Variants in ABCA3 observed in about 807,000 individuals in gnomAD.
The protein encoded by ABCA3 is ATP binding cassette subfamily A member 3, also known as phospholipid-transporting ATPase ABCA3.
A neutral mutation model predicts 172.8 loss-of-function variants in ABCA3; 88 were observed. The ratio of observed to expected loss-of-function variants is 0.51; its 90% CI spans 0.43 to 0.61. ABCA3 has a LOEUF of 0.61. ABCA3 is among the 20% of genes least tolerant of loss of function. The probability of loss-of-function intolerance (pLI) is 0.00; values close to 1 mark genes in which losing one functional copy is unlikely to be tolerated. For missense variants in ABCA3, 2,164 were observed against 2,301.0 expected (o/e 0.94, Z 1.22); for synonymous variants, 1,066 against 983.8 (o/e 1.08, Z -1.56).
chr16:2,278,569 A>C lies in ABCA3; in HGVS notation c.4548-111T>G, dbSNP rs1425517389. The C allele has an allele frequency of 2.9e-6, 4 of 1,381,014 alleles. No individual in the cohort carries two copies. Among genetic ancestry groups the C allele is most frequent in the Non-Finnish European group, 4.0e-6 (4 of 998,174 alleles). The allele number at this position is 1,381,014 out of a possible 1,614,324, so 85.5% of individuals were successfully genotyped here. On this transcript the variant is annotated intron_variant, in intron 29 of 32. Coordinates refer to ENST00000301732, the MANE Select transcript of ABCA3 (RefSeq NM_001089.3). The surrounding 1 kb of genome is among the most constrained non-coding windows in gnomAD (Gnocchi z 4.4). ...AGCGGCCCACACCCAGCAATTGCAGAACAGCCCTAGTGAAGAGGAAGGAGC... is the reference window on the plus strand; with the variant it reads ...AGCGGCCCACACCCAGCAATTGCAGCACAGCCCTAGTGAAGAGGAAGGAGC...
intron 19 of ABCA3, among the ~76,000 whole-genome samples, chr16:2,289,998 CACA>C (rs758046373): frequency 2.0e-5 from 3 of 151,630 alleles, no homozygotes; most frequent in Admixed American, 6.6e-5. Context: ...CACACACACA[CACA>C]CCCCTTCCTA....
chr16:2,302,680 G>A (rs1313681002), intron 12 of ABCA3, among the ~76,000 whole-genome samples: 2 of 151,886 alleles, frequency 1.3e-5, no homozygotes, highest in African/African-American at 2.4e-5. Context: ...AGATGGGGTT[G>A]CACTATGTTG....
At chr16:2,276,958 G>A (rs2093647415) in intron 32 of ABCA3, among the ~76,000 whole-genome samples, 153 bp from the exon 33 acceptor site, 2 of 152,174 alleles carry the variant, frequency 1.3e-5, no homozygotes, top group African/African-American at 4.8e-5. Flanking sequence ...TCAGCCCTGC[G>A]ACGGCACCGT....
intron 1 of ABCA3, chr16:2,332,256 T>C (rs1251785890): frequency 1.7e-5 from 8 of 479,676 alleles, no homozygotes; most frequent in Middle Eastern, 6.4e-4. Flanking sequence ...CCTTGAAACT[T>C]TAAAATCCTT....
intron 11 of ABCA3, among the ~76,000 whole-genome samples, chr16:2,306,475 C>A (rs914547845): frequency 6.6e-6 from 1 of 152,226 alleles, no homozygotes. Context: ...CAAAGCAACG[C>A]TGGACACTCC....
Position 2,286,956 on chromosome 16 carries a change from C to G in ABCA3, c.3016G>C (p.Glu1006Gln), listed in dbSNP as rs1225638352. The change falls in exon 22 of 33, where the codon GAG (glutamate) becomes CAG (glutamine). Residue 1006 changes from glutamate (E) to glutamine (Q), a missense_variant. Physicochemically the swap from Glu to Gln is conservative, Grantham distance 29. Around this residue, in one of 3 missense-constraint regions of ABCA3, gnomAD observed 1,343 missense variants for 1,369.6 expected, o/e 0.98. Transcript: ENST00000301732. This position sits in a 1 kb window ranked among gnomAD's most constrained non-coding sequence, Gnocchi z 5.2. ...ACAGAAGCCCTGAAGATCAAGAACT[C>G]CTCCAGGTCACCTGGGGAGCAATGG... ...EPREVLGDLEEFLIFRASVEG... is the reference protein window; with the variant it reads ...EPREVLGDLEQFLIFRASVEG... 1 of 1,613,358 alleles carries G rather than the reference C, an allele frequency of 6.2e-7. No individual in the cohort carries two copies. Among genetic ancestry groups the G allele is most frequent in the East Asian group, 2.2e-5 (1 of 44,864 alleles).
At chr16:2,291,380 G>T (rs561367138) in intron 19 of ABCA3, among the ~76,000 whole-genome samples, 4 of 152,070 alleles carry the variant, frequency 2.6e-5, no homozygotes, top group African/African-American at 9.6e-5. Context: ...CAAACTCCTT[G>T]GCTCAAGTGA....
chr16:2,335,767 AAAAC>A (rs2093750772), intron 1 of ABCA3, among the ~76,000 whole-genome samples: 1 of 152,220 alleles, frequency 6.6e-6, no homozygotes, highest in East Asian at 1.9e-4. Context: ...GTGGTCAATT[AAAAC>A]AAACAAACAA....
intron 1 of ABCA3, among the ~76,000 whole-genome samples, chr16:2,337,502 T>G (rs944033173): frequency 2.0e-5 from 3 of 151,544 alleles, no homozygotes; most frequent in African/African-American, 7.3e-5. Context: ...GTCTCCCAAA[T>G]AGCTGGGACC....
chr16:2,292,313 C>G lies in ABCA3; in HGVS notation c.2415-75G>C, dbSNP rs45605731. 210 of 1,334,002 alleles carry G rather than the reference C, an allele frequency of 1.6e-4. No individual in the cohort carries two copies. In the African/African-American group the frequency reaches 2.3e-3, roughly 15 times the overall value. The allele number at this position is 1,334,002 out of a possible 1,614,324, so 82.6% of individuals were successfully genotyped here. On this transcript the variant is annotated intron_variant, in intron 18 of 32. Coordinates refer to ENST00000301732, the MANE Select transcript of ABCA3 (RefSeq NM_001089.3). ...TAATTTGTTCCTAAAGCATCACCCC[C>G]CCTCGGCCAGGCACAGTGCCTCACA...
chr16:2,323,444 C>T (rs2093729175), intron 7 of ABCA3, 79 bp downstream of exon 7: 2 of 1,574,528 alleles, frequency 1.3e-6, no homozygotes, highest in South Asian at 1.1e-5. Flanking sequence ...AATACTTTTG[C>T]AAAGTGGGGC....
chr16:2,318,761 C>T (rs767465244), intron 8 of ABCA3, among the ~76,000 whole-genome samples: 6 of 152,140 alleles, frequency 3.9e-5, no homozygotes, highest in Non-Finnish European at 5.9e-5. Context: ...GATCCGCCCA[C>T]CTCGACCTCC....
Position 2,286,927 on chromosome 16 carries a change from C to G in ABCA3, c.3045G>C (p.Glu1015Asp), listed in dbSNP as rs1387799863. The G allele has an allele frequency of 1.9e-6, 3 of 1,613,896 alleles. No homozygotes were observed. The highest frequency in any genetic ancestry group is 1.7e-5 in the Admixed American group (1 of 60,018). ...EEFLIFRASV[E>D]GGGFNERCLV... ...GGCACCGCTCATTAAAGCCGCCCCC[C>G]TCCACAGAAGCCCTGAAGATCAAGA... The change falls in exon 22 of 33, where the codon GAG becomes GAC. Residue 1015 changes from glutamate (E) to aspartate (D), a missense_variant. Coordinates refer to ENST00000301732, the MANE Select transcript of ABCA3 (RefSeq NM_001089.3). The surrounding 1 kb of genome is among the most constrained non-coding windows in gnomAD (Gnocchi z 5.2).
rs180756488 is a variant in ABCA3 at position 2,284,150 on chromosome 16, G to A, written c.3862+129C>T. 4,911 of 1,206,632 alleles carry A rather than the reference G, an allele frequency of 4.1e-3. 16 individuals carry two copies. The highest frequency in any genetic ancestry group is 5.1e-3 in the Admixed American group (206 of 40,546). The allele number at this position is 1,206,632 out of a possible 1,614,324, so 74.7% of individuals were successfully genotyped here. On this transcript the variant is annotated intron_variant, in intron 25 of 32. Coordinates refer to ENST00000301732, the MANE Select transcript of ABCA3 (RefSeq NM_001089.3). This position sits in a 1 kb window ranked among gnomAD's most constrained non-coding sequence, Gnocchi z 5.9. Reference sequence around the variant, plus strand: ...GCTGCTGTGGGAGGTGGGGCAAGGCGGTACAGAGGAACGCACCAGCCCCAG... The same window carrying A: ...GCTGCTGTGGGAGGTGGGGCAAGGCAGTACAGAGGAACGCACCAGCCCCAG...
chr16:2,290,996 A>G (rs937989713), intron 19 of ABCA3, among the ~76,000 whole-genome samples: 5 of 152,078 alleles, frequency 3.3e-5, no homozygotes, highest in African/African-American at 1.2e-4. Context: ...CAGCCTCCCA[A>G]GTAGCTGAGA....
chr16:2,307,016 C>CAAAAAAA (rs201661615), intron 11 of ABCA3, among the ~76,000 whole-genome samples: 9 of 66,004 alleles, frequency 1.4e-4, no homozygotes, highest in Non-Finnish European at 2.6e-4. Context: ...GACTCCGTCT[C>CAAAAAAA]AAAAAAAAAA....
Position 2,280,591 on chromosome 16 carries a change from C to A in ABCA3, c.4359+436G>T, listed in dbSNP as rs313912. Among the ~76,000 whole-genome samples the A allele has an allele frequency of 1.8e-3, 280 of 152,314 alleles. 4 individuals are homozygous for A. The East Asian group carries it at 0.049, about 27-fold the overall frequency. ...TGCTTGGCACACTTGAATTCCCATG[C>A]AGGCCCCGGGCAGAGGTGCAGGAGG... is the stretch of plus-strand genomic sequence containing the variant. On this transcript the variant is annotated intron_variant, in intron 28 of 32. Transcript: ENST00000301732.
At chr16:2,288,481 G>T in intron 20 of ABCA3, 152 bp from the exon 21 acceptor site, 2 of 937,186 alleles carry the variant, frequency 2.1e-6, no homozygotes, top group Non-Finnish European at 3.1e-6. Context: ...TGAAACGGCC[G>T]TGGGAGGAGC....
intron 1 of ABCA3, among the ~76,000 whole-genome samples, chr16:2,333,313 C>G (rs967633518): frequency 6.6e-6 from 1 of 152,162 alleles, no homozygotes; most frequent in Non-Finnish European, 1.5e-5. Flanking sequence ...ATAGAGAAAT[C>G]CACTCATGGA....
Sources: gnomAD v4.1 joint callset for allele counts (sites outside exome capture counted in the v4.1 genomes callset) on GRCh38, gnomAD v4.1.1 for gene constraint, gnomAD v4.1.1 regional missense constraint, Gnocchi (gnomAD v3.1) non-coding constraint, MANE v1.5 for transcripts, NCBI Gene and HGNC (gene_info 2026-07-23, HGNC 2026-07-21) for gene names.